Variants in CX3CR1 observed in about 807,000 individuals in gnomAD.
The protein encoded by CX3CR1 is CX3C chemokine receptor 1.
For missense variants in CX3CR1, 363 were observed against 432.4 expected (o/e 0.84, Z 1.42); for synonymous variants, 168 against 178.5 (o/e 0.94, Z 0.47).
rs928825762 is a variant in CX3CR1 at position 39,265,954 on chromosome 3, T to C, written c.556A>G (p.Ile186Val). The C allele has an allele frequency of 1.2e-6, 2 of 1,614,178 alleles. No individual in the cohort carries two copies. Among genetic ancestry groups the C allele is most frequent in the African/African-American group, 2.7e-5 (2 of 75,038 alleles). The change falls in exon 2 of 2, where the codon ATC (isoleucine) becomes GTC (valine). Residue 186 changes from isoleucine (I) to valine (V), a missense_variant. Physicochemically the swap from Ile to Val is conservative, Grantham distance 29. Coordinates refer to ENST00000399220, the MANE Select transcript of CX3CR1 (RefSeq NM_001337.4). ...LGDYPEVLQEIWPVLRNVETN... is the reference protein window; with the variant it reads ...LGDYPEVLQEVWPVLRNVETN... Reference sequence around the variant, plus strand: ...TCCACATTGCGGAGCACGGGCCAGATTTCCTGGAGGACCTCGGGGTAGTCA... The same window carrying C: ...TCCACATTGCGGAGCACGGGCCAGACTTCCTGGAGGACCTCGGGGTAGTCA...
intron 1 of CX3CR1, among the ~76,000 whole-genome samples, chr3:39,270,993 A>T (rs1464230201): frequency 1.3e-5 from 2 of 152,178 alleles, no homozygotes; most frequent in Non-Finnish European, 2.9e-5. Context: ...GTTCGAGGTG[A>T]TGCAGTGTGT....
chr3:39,292,103 A>T, the CX3CR1 span, among the ~76,000 whole-genome samples: 2 of 152,254 alleles, frequency 1.3e-5, no homozygotes, highest in Non-Finnish European at 2.9e-5. Flanking sequence ...GTCCCCTCTA[A>T]GGCAACAAGA....
In CX3CR1 at chr3:39,275,915, A is replaced by C. The variant is rs569564511; in HGVS notation, c.-10+4039T>G. Among the ~76,000 whole-genome samples, 200 of 96,960 alleles carry C rather than the reference A, an allele frequency of 2.1e-3. 1 individual carries two copies. The highest frequency in any genetic ancestry group is 7.9e-3 in the African/African-American group (187 of 23,658). The allele number at this position is 96,960 out of a possible 152,430, so 63.6% of individuals were successfully genotyped here. A position where few individuals can be genotyped will look rare whatever the true frequency, so the allele number is the denominator to read the frequency against. ...AAACTGGGGGAGGGTGATCAAGAGG[A>C]TATCACAAAAAAAAAAAAAAAAATC... On this transcript the variant is annotated intron_variant, in intron 1 of 1. Coordinates refer to ENST00000399220, the MANE Select transcript of CX3CR1 (RefSeq NM_001337.4).
chr3:39,282,097 C>T (rs967037486), upstream of CX3CR1, among the ~76,000 whole-genome samples: 7 of 152,180 alleles, frequency 4.6e-5, no homozygotes, highest in African/African-American at 1.4e-4. Context: ...TGGCCCTGAG[C>T]GAGATGTCAG....
intron 1 of CX3CR1, among the ~76,000 whole-genome samples, chr3:39,267,847 T>TTCTTTTC (rs2040724459): frequency 6.6e-6 from 1 of 152,236 alleles, no homozygotes; most frequent in African/African-American, 2.4e-5. Flanking sequence ...TTCTGCAGGC[T>TTCTTTTC]GCACTCCCCT....
the CX3CR1 span, among the ~76,000 whole-genome samples, chr3:39,289,132 C>T: frequency 2.0e-5 from 3 of 150,726 alleles, no homozygotes; most frequent in Admixed American, 2.0e-4. Context: ...CCAGCCTGGG[C>T]AATGAGTGAG....
At chr3:39,281,394 C>T (rs2040897529), upstream of CX3CR1, 2 of 714,010 alleles carry the variant, frequency 2.8e-6, no homozygotes, top group African/African-American at 1.8e-5. Flanking sequence ...TTCCTTGCCT[C>T]TGACTCCCCT....
At chr3:39,276,101 G>C (rs1299737576) in intron 1 of CX3CR1, among the ~76,000 whole-genome samples, 1 of 152,208 alleles carries the variant, frequency 6.6e-6, no homozygotes, top group African/African-American at 2.4e-5. Context: ...AATAGGAACA[G>C]AAGGCAGTGA....
At chr3:39,283,797 ATATATATATATATATATATAT>A, upstream of CX3CR1, among the ~76,000 whole-genome samples, 1 of 23,720 alleles carries the variant, frequency 4.2e-5, no homozygotes, top group South Asian at 9.8e-4. Flanking sequence ...AAAAAAAATT[ATATATATATATATATATATAT>A]ATATATATAT....
chr3:39,271,693 G>C (rs990349367), intron 1 of CX3CR1, among the ~76,000 whole-genome samples: 2 of 152,226 alleles, frequency 1.3e-5, no homozygotes, highest in Admixed American at 6.5e-5. Flanking sequence ...GCTGGAGCTA[G>C]TTCAAACCGC....
chr3:39,266,210 G>A lies in CX3CR1; in HGVS notation c.300C>T (p.Ala100=), dbSNP rs754964383. The change falls in exon 2 of 2, where the codon GCC becomes GCT. Residue 100 remains alanine, a synonymous_variant. Coordinates refer to ENST00000399220, the MANE Select transcript of CX3CR1 (RefSeq NM_001337.4). ...YLINEKGLHN[A]MCKFTTAFFF... ...AGAAGGCGGTAGTGAATTTGCACAT[G>A]GCATTGTGGAGGCCCTTTTCATTTA... The A allele has an allele frequency of 6.2e-7, 1 of 1,614,226 alleles. No homozygotes were observed. The highest frequency in any genetic ancestry group is 1.7e-5 in the Admixed American group (1 of 60,018).
the CX3CR1 span, among the ~76,000 whole-genome samples, chr3:39,291,141 C>T: frequency 1.1e-3 from 169 of 151,614 alleles, 2 homozygotes; most frequent in South Asian, 0.025. Context: ...ACTGGAACCT[C>T]CACCTCCCGG....
At chr3:39,274,718 T>A (rs1476753253) in intron 1 of CX3CR1, among the ~76,000 whole-genome samples, 1 of 152,148 alleles carries the variant, frequency 6.6e-6, no homozygotes, top group Non-Finnish European at 1.5e-5. Flanking sequence ...TGTTTAATTA[T>A]TAATTAAGTC....
chr3:39,265,824 G>A lies in CX3CR1; in HGVS notation c.686C>T (p.Ala229Val). 1 of 1,614,160 alleles carries A rather than the reference G, an allele frequency of 6.2e-7. No homozygotes were observed. Among genetic ancestry groups the A allele is most frequent in the Non-Finnish European group, 8.5e-7 (1 of 1,179,988 alleles). Residue 229 changes from alanine (A) to valine (V), a missense_variant, in exon 2 of 2, where the codon GCC becomes GTC. By Grantham distance (64) the Ala-to-Val change is moderately conservative. Transcript: ENST00000399220. The part of the protein sequence containing the change: ...FSCKNHKKAK[A>V]IKLILLVVIV... Reference sequence around the variant, plus strand: ...GACCACCAGAAGGATCAGTTTAATGGCTTTGGCTTTCTTGTGGTTCTTGCA... The same window carrying A: ...GACCACCAGAAGGATCAGTTTAATGACTTTGGCTTTCTTGTGGTTCTTGCA...
At chr3:39,287,387 C>T in the CX3CR1 span, 6 of 152,146 alleles carry the variant, frequency 3.9e-5, no homozygotes, top group Non-Finnish European at 7.3e-5. Context: ...CTCAAGTGAC[C>T]GTTTGGCCAG....
chr3:39,269,776 C>T (rs752668807), intron 1 of CX3CR1, among the ~76,000 whole-genome samples: 2 of 152,190 alleles, frequency 1.3e-5, no homozygotes, highest in Non-Finnish European at 2.9e-5. Context: ...CTGTGGCTCC[C>T]ACAGGAGTCT....
Position 39,265,132 on chromosome 3 carries a change from A to T in CX3CR1, c.*310T>A. 3.9e-6 allele frequency: 1 copy of T among 256,086 alleles called. No homozygotes were observed. The highest frequency in any genetic ancestry group is 7.4e-6 in the Non-Finnish European group (1 of 134,796). 15.9% of individuals were successfully genotyped at this position (256,086 alleles called of 1,614,324 possible). A position where few individuals can be genotyped will look rare whatever the true frequency, so the allele number is the denominator to read the frequency against. On this transcript the variant is annotated 3_prime_UTR_variant, in exon 2 of 2. Transcript: ENST00000399220. ...TCAGACACCCTTTTGCTTGTGCCAC[A>T]ATATGAACAATATTCACCACCCTCA...
At chr3:39,279,574 C>T (rs923227194) in intron 1 of CX3CR1, among the ~76,000 whole-genome samples, 1 of 152,192 alleles carries the variant, frequency 6.6e-6, no homozygotes, top group Non-Finnish European at 1.5e-5. Context: ...TTGTGTGCAT[C>T]TCTAAAAGTT....
chr3:39,266,439 C>G lies in CX3CR1; in HGVS notation c.71G>C (p.Gly24Ala), dbSNP rs1201160859. The G allele has an allele frequency of 2.4e-5, 39 of 1,614,128 alleles. No individual in the cohort carries two copies. Among genetic ancestry groups the G allele is most frequent in the Non-Finnish European group, 3.2e-5 (38 of 1,180,014 alleles). Residue 24 changes from glycine to alanine, a missense_variant, in exon 2 of 2, where the codon GGG (glycine) becomes GCG (alanine). Transcript: ENST00000399220. ...CACAGTCCCAAAGACCACGATGTCC[C>G]CAATATAACAGGCCTCAGCCAAATC... ...YDDLAEACYI[G>A]DIVVFGTVFL... is the part of the protein sequence containing the mutation.
Sources: gnomAD v4.1 joint callset for allele counts (sites outside exome capture counted in the v4.1 genomes callset) on GRCh38, gnomAD v4.1.1 for gene constraint, MANE v1.5 for transcripts, NCBI Gene and HGNC (gene_info 2026-07-23, HGNC 2026-07-21) for gene names.